AGBL4: variants seen among roughly 807,000 people sequenced by gnomAD.
The protein encoded by AGBL4 is AGBL carboxypeptidase 4, also known as cytosolic carboxypeptidase 6.
A neutral mutation model predicts 66.4 loss-of-function variants in AGBL4; 58 were observed. The observed-to-expected ratio is 0.87, with a 90% CI of 0.71 to 1.09. The LOEUF (loss-of-function observed/expected upper bound fraction) is 1.09. Ranked by LOEUF, AGBL4 falls within the 50% of genes least tolerant of loss-of-function variation. AGBL4 has a pLI of 0.00. For synonymous variants in AGBL4, 234 were observed against 222.9 expected (o/e 1.05, Z -0.44); for missense variants, 579 against 631.0 (o/e 0.92, Z 0.88).
chr1:48,954,062 C>A (rs1187156979), intron 5 of AGBL4, among the ~76,000 whole-genome samples: 1 of 152,190 alleles, frequency 6.6e-6, no homozygotes, highest in African/African-American at 2.4e-5. Context: ...GCCTGCTAGG[C>A]CACACCCTTC....
chr1:49,133,004 G>A (rs894150929), intron 4 of AGBL4, among the ~76,000 whole-genome samples: 3 of 152,144 alleles, frequency 2.0e-5, no homozygotes, highest in Non-Finnish European at 2.9e-5. Context: ...GCCCATCAAC[G>A]ATAGACTGGA....
At chr1:49,113,710 T>G (rs552741369) in intron 4 of AGBL4, among the ~76,000 whole-genome samples, 1 of 152,246 alleles carries the variant, frequency 6.6e-6, no homozygotes, top group Non-Finnish European at 1.5e-5. Context: ...AATAACTTGT[T>G]AATCCATGAG....
intron 7 of AGBL4, 44 bp from the exon 8 acceptor site, chr1:48,653,495 G>T: frequency 1.4e-6 from 2 of 1,402,978 alleles, no homozygotes; most frequent in Non-Finnish European, 2.0e-6. Flanking sequence ...AGCATTTCAA[G>T]AAGAAGGAAA....
intron 3 of AGBL4, among the ~76,000 whole-genome samples, chr1:49,647,063 GAA>G (rs909816685): frequency 6.6e-6 from 1 of 151,624 alleles, no homozygotes; most frequent in African/African-American, 2.4e-5. Flanking sequence ...TGTAAAACCT[GAA>G]ATTATAAAGA....
At chr1:49,404,959 C>T (rs1570636805) in intron 3 of AGBL4, among the ~76,000 whole-genome samples, 1 of 152,152 alleles carries the variant, frequency 6.6e-6, no homozygotes, top group Non-Finnish European at 1.5e-5. Context: ...TGGCTCCTGC[C>T]ACAGGAGTTT....
intron 3 of AGBL4, among the ~76,000 whole-genome samples, chr1:49,689,342 T>C (rs1285252687): frequency 3.3e-5 from 5 of 152,188 alleles, no homozygotes; most frequent in African/African-American, 7.2e-5. Flanking sequence ...CTTTCCCCAA[T>C]GTATATTCTT....
intron 3 of AGBL4, among the ~76,000 whole-genome samples, chr1:49,622,193 A>C (rs1485167490): frequency 6.6e-6 from 1 of 152,186 alleles, no homozygotes; most frequent in African/African-American, 2.4e-5. Context: ...ACCACTCCAC[A>C]GTGTAGCCAG....
rs148404153 is a variant in AGBL4, at chr1:48,705,986, G to C, written c.635-42745C>G. ...GCATACATAGAGAACAATAAAAAGT[G>C]AATTTGGTTGTTTCCAGTTTCAGAC... On this transcript the variant is annotated intron_variant, in intron 6 of 13. Coordinates refer to ENST00000371839, the MANE Select transcript of AGBL4 (RefSeq NM_032785.4). Among the ~76,000 whole-genome samples the C allele has an allele frequency of 5.1e-3, 783 of 152,270 alleles. 7 individuals are homozygous for C. Among genetic ancestry groups the C allele is most frequent in the African/African-American group, 0.016 (661 of 41,552 alleles).
chr1:48,742,792 A>G, intron 6 of AGBL4: 1 of 1,542,236 alleles, frequency 6.5e-7, no homozygotes, highest in Non-Finnish European at 8.8e-7. Flanking sequence ...AAGAAAAGAA[A>G]TCTGTCTAGA....
intron 9 of AGBL4, among the ~76,000 whole-genome samples, chr1:48,618,232 C>T (rs1335625724): frequency 6.6e-6 from 1 of 152,126 alleles, no homozygotes; most frequent in African/African-American, 2.4e-5. Flanking sequence ...AACAATAATC[C>T]CTGTCTCACA....
Position 49,053,414 on chromosome 1 carries a change from G to A in AGBL4, c.378-7614C>T, listed in dbSNP as rs559907476. Among the ~76,000 whole-genome samples, 12 of 152,266 alleles carry A rather than the reference G, an allele frequency of 7.9e-5. 1 individual carries two copies. In the South Asian group the frequency reaches 2.1e-3, roughly 26 times the overall value. ...ATACCTTCAGTTTCCAAATGGTGGTGTGAGAAGTATTCAAAGATGTTGTCC... is the reference window on the plus strand; with the variant it reads ...ATACCTTCAGTTTCCAAATGGTGGTATGAGAAGTATTCAAAGATGTTGTCC... On this transcript the variant is annotated intron_variant, in intron 4 of 13. Coordinates refer to ENST00000371839, the MANE Select transcript of AGBL4 (RefSeq NM_032785.4).
chr1:49,253,790 C>T (rs547368104), intron 3 of AGBL4, among the ~76,000 whole-genome samples: 1 of 151,882 alleles, frequency 6.6e-6, no homozygotes, highest in East Asian at 1.9e-4. Flanking sequence ...AGAGAGAATC[C>T]AGGAGCACAT....
intron 9 of AGBL4, among the ~76,000 whole-genome samples, chr1:48,620,311 C>T (rs537563237): frequency 6.6e-6 from 1 of 152,284 alleles, no homozygotes; most frequent in East Asian, 1.9e-4. Context: ...CACTCTGTCT[C>T]CCAGGCTGAA....
intron 3 of AGBL4, among the ~76,000 whole-genome samples, chr1:49,323,293 T>C (rs568529812): frequency 2.6e-4 from 39 of 152,210 alleles, no homozygotes; most frequent in Admixed American, 2.3e-3. Context: ...TTTGTTTTTT[T>C]ATTTTGAGAT....
intron 3 of AGBL4, among the ~76,000 whole-genome samples, chr1:49,580,017 G>T (rs1350241414): frequency 6.6e-6 from 1 of 152,050 alleles, no homozygotes; most frequent in Non-Finnish European, 1.5e-5. Context: ...TGTAGCTAGG[G>T]TTGTTATATT....
chr1:49,603,455 G>A (rs917160218), intron 3 of AGBL4, among the ~76,000 whole-genome samples: 1 of 151,806 alleles, frequency 6.6e-6, no homozygotes, highest in Admixed American at 6.6e-5. Context: ...AACCCAGGAG[G>A]CAGAGCTTGC....
At chr1:49,377,473 A>C (rs535307042) in intron 3 of AGBL4, among the ~76,000 whole-genome samples, 1 of 152,246 alleles carries the variant, frequency 6.6e-6, no homozygotes, top group South Asian at 2.1e-4. Context: ...TCTGGCTTTA[A>C]GTATAGTGCT....
chr1:48,886,704 C>T (rs1426785852), intron 5 of AGBL4, among the ~76,000 whole-genome samples: 1 of 152,050 alleles, frequency 6.6e-6, no homozygotes, highest in East Asian at 1.9e-4. Flanking sequence ...AGGCACCTGC[C>T]ACCACGCCTG....
intron 3 of AGBL4, among the ~76,000 whole-genome samples, chr1:49,484,742 A>G (rs189324729): frequency 6.6e-6 from 1 of 152,114 alleles, no homozygotes; most frequent in East Asian, 1.9e-4. Context: ...AGATAACAAA[A>G]AGAGTATAAT....
Sources: gnomAD v4.1 joint callset for allele counts (sites outside exome capture counted in the v4.1 genomes callset) on GRCh38, gnomAD v4.1.1 for gene constraint, MANE v1.5 for transcripts, NCBI Gene and HGNC (gene_info 2026-07-23, HGNC 2026-07-21) for gene names.